Variants in PTPRG observed in about 807,000 individuals in gnomAD.
PTPRG encodes the protein protein tyrosine phosphatase receptor type G, also known as receptor-type tyrosine-protein phosphatase gamma.
In PTPRG, 102 loss-of-function variants were observed where a neutral mutation model predicts 165.3. That is an observed-to-expected ratio of 0.62 (90% confidence interval 0.53 to 0.73). The LOEUF is 0.73. Among genes scored for constraint, PTPRG ranks in the 30% least tolerant of loss-of-function variants. The probability of loss-of-function intolerance (pLI) is 0.00; values close to 1 mark genes in which losing one functional copy is unlikely to be tolerated. For missense variants in PTPRG, 1,866 were observed against 1,861.4 expected (o/e 1.00, Z -0.05); for synonymous variants, 675 against 669.5 (o/e 1.01, Z -0.13).
intron 13 of PTPRG, among the ~76,000 whole-genome samples, chr3:62,220,437 C>T (rs576407161): frequency 1.5e-4 from 23 of 152,144 alleles, no homozygotes; most frequent in African/African-American, 4.1e-4. Flanking sequence ...TGAGGGTAGC[C>T]GTGTAGGTGG....
chr3:62,263,938 G>C (rs947859412), intron 17 of PTPRG: 1 of 152,194 alleles, frequency 6.6e-6, no homozygotes, highest in Admixed American at 6.6e-5. Context: ...ACGAGGTCAG[G>C]AGATCGAGAC....
intron 1 of PTPRG, among the ~76,000 whole-genome samples, chr3:61,646,827 C>A (rs569510124): frequency 6.6e-6 from 1 of 152,208 alleles, no homozygotes; most frequent in Non-Finnish European, 1.5e-5. Flanking sequence ...CTAGCAATTA[C>A]TAACCCATTG....
intron 1 of PTPRG, among the ~76,000 whole-genome samples, chr3:61,618,120 G>A (rs1160865237): frequency 1.3e-5 from 2 of 152,132 alleles, no homozygotes; most frequent in African/African-American, 2.4e-5. Flanking sequence ...GAAGCCGTGT[G>A]CTTTTTTATG....
intron 14 of PTPRG, among the ~76,000 whole-genome samples, chr3:62,232,748 T>A (rs1255347546): frequency 6.6e-6 from 1 of 152,256 alleles, no homozygotes; most frequent in African/African-American, 2.4e-5. Flanking sequence ...TCTTCTCTGC[T>A]GCTCAGTGAA....
intron 14 of PTPRG, among the ~76,000 whole-genome samples, chr3:62,235,806 C>T (rs1244955640): frequency 6.6e-6 from 1 of 152,074 alleles, no homozygotes; most frequent in Non-Finnish European, 1.5e-5. Context: ...TCTTTCACAC[C>T]CCATCCATCA....
rs573510797 is a variant in PTPRG at position 62,199,573 on chromosome 3, CTGTTT to C, written c.1328-1910_1328-1906del. ...CCATCTACAATATTGGTGGCAAATT[CTGTTT>C]TGTTTTGTTTTGTTTTGTTTTTATA... On this transcript the variant is annotated intron_variant, in intron 10 of 29. Transcript: ENST00000474889. Among the ~76,000 whole-genome samples, 6 of 152,270 alleles carry C rather than the reference CTGTTT, an allele frequency of 3.9e-5. No individual in the cohort carries two copies. The East Asian group carries it at 5.8e-4, about 15-fold the overall frequency.
At chr3:62,089,808 T>C (rs141904848) in intron 5 of PTPRG, among the ~76,000 whole-genome samples, 1 of 152,206 alleles carries the variant, frequency 6.6e-6, no homozygotes, top group African/African-American at 2.4e-5. Context: ...ATAAAAATGA[T>C]AGAAGAGAGC....
At chr3:61,756,788 A>G (rs2033649258) in intron 2 of PTPRG, among the ~76,000 whole-genome samples, 1 of 152,218 alleles carries the variant, frequency 6.6e-6, no homozygotes, top group Non-Finnish European at 1.5e-5. Flanking sequence ...GGTACATATC[A>G]GTGGTAACAA....
At position 61,804,677 on chromosome 3, in the gene PTPRG, T is replaced by C. The variant is rs1180061935; in HGVS notation, c.190+55695T>C. On this transcript the variant is annotated intron_variant, in intron 2 of 29. Transcript: ENST00000474889. Reference sequence around the variant, plus strand: ...TTTTCTTTTCCTGTGTCTTTCTCTCTCCAAAAAAAAAAAAAAAATAAAATC... The same window carrying C: ...TTTTCTTTTCCTGTGTCTTTCTCTCCCCAAAAAAAAAAAAAAAATAAAATC... 6.3e-5 allele frequency among the ~76,000 whole-genome samples: 8 copies of C among 126,042 alleles called. 1 individual carries two copies. The South Asian group carries it at 1.5e-3, about 24-fold the overall frequency. 82.7% of individuals were successfully genotyped at this position (126,042 alleles called of 152,430 possible).
At chr3:61,641,050 A>G (rs1023181095) in intron 1 of PTPRG, among the ~76,000 whole-genome samples, 1 of 152,192 alleles carries the variant, frequency 6.6e-6, no homozygotes, top group Admixed American at 6.5e-5. Flanking sequence ...GTTATCTTCT[A>G]ACTACATGCA....
At chr3:61,689,773 A>G (rs2030047291) in intron 1 of PTPRG, among the ~76,000 whole-genome samples, 1 of 152,180 alleles carries the variant, frequency 6.6e-6, no homozygotes, top group South Asian at 2.1e-4. Context: ...TAGTATGCAA[A>G]TGATGACAAA....
At chr3:61,854,278 T>C (rs1324090238) in intron 2 of PTPRG, among the ~76,000 whole-genome samples, 1 of 152,214 alleles carries the variant, frequency 6.6e-6, no homozygotes, top group Admixed American at 6.5e-5. Flanking sequence ...GGTTTCACTT[T>C]AAACCAGTGC....
intron 4 of PTPRG, among the ~76,000 whole-genome samples, chr3:62,061,632 CTTT>C (rs59972737): frequency 2.7e-4 from 38 of 142,370 alleles, no homozygotes; most frequent in Admixed American, 2.8e-4. Flanking sequence ...CTTTTCTTTT[CTTT>C]TTTTTTTTTT....
At chr3:62,005,531 G>C (rs1467180369) in intron 4 of PTPRG, among the ~76,000 whole-genome samples, 5 of 152,124 alleles carry the variant, frequency 3.3e-5, no homozygotes, top group Non-Finnish European at 4.4e-5. Context: ...TGTCCTGAAA[G>C]TTTAAAAACT....
intron 1 of PTPRG, among the ~76,000 whole-genome samples, chr3:61,658,090 C>T (rs1702558497): frequency 6.6e-6 from 1 of 152,242 alleles, no homozygotes; most frequent in Admixed American, 6.5e-5. Context: ...ATGGGAAGGA[C>T]CTAACTCTGA....
chr3:61,730,765 T>G (rs2106833069), intron 1 of PTPRG, among the ~76,000 whole-genome samples: 1 of 152,326 alleles, frequency 6.6e-6, no homozygotes, highest in African/African-American at 2.4e-5. Context: ...GTGCCTAGAC[T>G]TCTTAGAAAG....
chr3:62,201,919 AT>A (rs1700104191), intron 11 of PTPRG, among the ~76,000 whole-genome samples: 1 of 152,202 alleles, frequency 6.6e-6, no homozygotes. Flanking sequence ...GGATCTGAAA[AT>A]TTCTGGAACC....
intron 8 of PTPRG, among the ~76,000 whole-genome samples, chr3:62,174,110 A>G (rs2106753464): frequency 6.6e-6 from 1 of 152,336 alleles, no homozygotes; most frequent in South Asian, 2.1e-4. Flanking sequence ...ATGGGCTGTC[A>G]TTTCAGTTAT....
At chr3:61,892,846 T>C (rs886815549) in intron 2 of PTPRG, among the ~76,000 whole-genome samples, 14 of 152,054 alleles carry the variant, frequency 9.2e-5, no homozygotes, top group South Asian at 8.3e-4. Context: ...TGGGTCCCTT[T>C]AATTGATTAT....
Sources: gnomAD v4.1 joint callset for allele counts (sites outside exome capture counted in the v4.1 genomes callset) on GRCh38, gnomAD v4.1.1 for gene constraint, MANE v1.5 for transcripts, NCBI Gene and HGNC (gene_info 2026-07-23, HGNC 2026-07-21) for gene names.